The following EFCAB6 variants were observed in gnomAD, a reference collection of about 807,000 sequenced individuals.
EFCAB6 encodes the protein EF-hand calcium binding domain 6.
EFCAB6 carries 156 observed loss-of-function variants against 169.8 expected under a neutral mutation model. The ratio of observed to expected loss-of-function variants is 0.92; its 90% CI spans 0.81 to 1.05. The LOEUF (loss-of-function observed/expected upper bound fraction) is 1.05, where lower values mean the gene tolerates loss of function less well. Among genes scored for constraint, EFCAB6 ranks in the 50% least tolerant of loss-of-function variants. EFCAB6 has a pLI of 0.00. For missense variants in EFCAB6, 1,800 were observed against 1,829.1 expected (o/e 0.98, Z 0.29); for synonymous variants, 698 against 676.4 (o/e 1.03, Z -0.50).
chr22:43,559,512 G>A (rs1204536694), intron 26 of EFCAB6, among the ~76,000 whole-genome samples: 1 of 152,162 alleles, frequency 6.6e-6, no homozygotes, highest in African/African-American at 2.4e-5. Context: ...CCATTACTGG[G>A]TATATACCCA....
At chr22:43,792,452 GA>G (rs2062334928) in intron 2 of EFCAB6, among the ~76,000 whole-genome samples, 1 of 152,152 alleles carries the variant, frequency 6.6e-6, no homozygotes, top group African/African-American at 2.4e-5. Context: ...AGAGTGATGG[GA>G]ATTATCTGTG....
intron 24 of EFCAB6, among the ~76,000 whole-genome samples, chr22:43,581,383 TCC>T (rs1344872669): frequency 1.3e-5 from 2 of 151,016 alleles, no homozygotes; most frequent in Non-Finnish European, 3.0e-5. Flanking sequence ...CAAATAAAAA[TCC>T]ACCTGCATCG....
In EFCAB6 at chr22:43,773,106, A is replaced by G. The variant is rs768874528; in HGVS notation, c.140-3T>C. 3 of 1,613,774 alleles carry G rather than the reference A, an allele frequency of 1.9e-6. No individual in the cohort carries two copies. In the East Asian group the frequency reaches 6.7e-5, roughly 36 times the overall value. The stretch of plus-strand genomic sequence containing the variant: ...TGTTGGATTTGCAACAGCTGTGGCT[A>G]TAAAAGAGATACAGCTATTTATTAA... On this transcript the variant is annotated splice_region_variant and splice_polypyrimidine_tract_variant and intron_variant, in intron 3 of 31. Coordinates refer to ENST00000262726, the MANE Select transcript of EFCAB6 (RefSeq NM_022785.4).
At chr22:43,554,673 T>G (rs1203835675) in intron 27 of EFCAB6, 196 bp downstream of exon 27, 1 of 599,680 alleles carries the variant, frequency 1.7e-6, no homozygotes, top group Non-Finnish European at 2.9e-6. Context: ...TGTACCCTGA[T>G]GAAAATGGTG....
intron 8 of EFCAB6, among the ~76,000 whole-genome samples, chr22:43,722,803 T>C (rs1028715924): frequency 3.3e-5 from 5 of 152,116 alleles, no homozygotes; most frequent in Admixed American, 6.6e-5. Context: ...GGAATAAACA[T>C]AGGTGCCCAT....
chr22:43,625,219 G>T (rs764025982), intron 20 of EFCAB6, among the ~76,000 whole-genome samples: 1 of 152,012 alleles, frequency 6.6e-6, no homozygotes, highest in Non-Finnish European at 1.5e-5. Flanking sequence ...GCTTCCAGGG[G>T]CTCCACTCTC....
intron 26 of EFCAB6, among the ~76,000 whole-genome samples, chr22:43,563,109 C>A (rs141650875): frequency 6.6e-6 from 1 of 152,064 alleles, no homozygotes; most frequent in Non-Finnish European, 1.5e-5. Context: ...CAGCAGGCAG[C>A]ACCAGTAACC....
At chr22:43,598,021 G>A (rs2052154350) in intron 23 of EFCAB6, among the ~76,000 whole-genome samples, 1 of 152,108 alleles carries the variant, frequency 6.6e-6, no homozygotes, top group Admixed American at 6.6e-5. Flanking sequence ...AGTTTAAAAA[G>A]TTGATCTCAG....
At chr22:43,800,871 G>A (rs181208746) in intron 2 of EFCAB6, among the ~76,000 whole-genome samples, 5 of 152,252 alleles carry the variant, frequency 3.3e-5, no homozygotes, top group Admixed American at 2.6e-4. Context: ...TTTAAAAAAT[G>A]ATTAGTATTC....
At chr22:43,696,996 A>G (rs913249685) in intron 10 of EFCAB6, among the ~76,000 whole-genome samples, 1 of 152,252 alleles carries the variant, frequency 6.6e-6, no homozygotes, top group African/African-American at 2.4e-5. Context: ...AAGGACATAA[A>G]CAATTGTTTA....
intron 8 of EFCAB6, among the ~76,000 whole-genome samples, chr22:43,719,499 G>T (rs1380901928): frequency 6.6e-6 from 1 of 152,172 alleles, no homozygotes; most frequent in African/African-American, 2.4e-5. Flanking sequence ...AAAATTAATA[G>T]AACACATTGT....
At chr22:43,759,240 T>C (rs1231671487) in intron 5 of EFCAB6, 3 of 152,264 alleles carry the variant, frequency 2.0e-5, no homozygotes, top group African/African-American at 7.2e-5. Flanking sequence ...CTCTGATACC[T>C]AGACTGCCAA....
At chr22:43,559,701 T>C (rs1487080703) in intron 26 of EFCAB6, among the ~76,000 whole-genome samples, 1 of 152,214 alleles carries the variant, frequency 6.6e-6, no homozygotes, top group East Asian at 1.9e-4. Context: ...AATGAGTTCA[T>C]GTCCTTTGCA....
intron 23 of EFCAB6, 149 bp from the exon 24 acceptor site, chr22:43,590,378 C>T (rs28558259): frequency 1.4e-5 from 11 of 798,558 alleles, no homozygotes; most frequent in Non-Finnish European, 2.0e-5. Context: ...CAGTGTAATA[C>T]TGACATTAAA....
chr22:43,622,648 C>T (rs182648573), intron 20 of EFCAB6, among the ~76,000 whole-genome samples: 1 of 152,022 alleles, frequency 6.6e-6, no homozygotes, highest in Admixed American at 6.6e-5. Flanking sequence ...GTGGTCTTAG[C>T]GATGTTGATT....
chr22:43,781,894 T>A (rs2061834299), intron 3 of EFCAB6, among the ~76,000 whole-genome samples: 1 of 152,168 alleles, frequency 6.6e-6, no homozygotes, highest in Non-Finnish European at 1.5e-5. Flanking sequence ...TCTACTAATT[T>A]ACTGAGTGAG....
chr22:43,689,349 GCACACACACACACACA>G (rs3221390), intron 10 of EFCAB6, among the ~76,000 whole-genome samples: 1 of 146,962 alleles, frequency 6.8e-6, no homozygotes, highest in Non-Finnish European at 1.5e-5. Context: ...GAGAGCACGT[GCACACACACACACACA>G]CACACACACA....
At chr22:43,620,037 G>A (rs1317492036) in intron 20 of EFCAB6, among the ~76,000 whole-genome samples, 1 of 152,200 alleles carries the variant, frequency 6.6e-6, no homozygotes, top group African/African-American at 2.4e-5. Context: ...AGCCTGAATG[G>A]TCTGGCGCAA....
In EFCAB6 at chr22:43,540,234, C is replaced by T. The variant is rs1487565789; in HGVS notation, c.3772G>A (p.Ala1258Thr). 1.2e-6 allele frequency: 2 copies of T among 1,614,122 alleles called. No individual in the cohort carries two copies. The highest frequency in any genetic ancestry group is 1.7e-6 in the Non-Finnish European group (2 of 1,180,050). Residue 1258 changes from alanine (A) to threonine (T), a missense_variant, in exon 28 of 32, where the codon GCC (alanine) becomes ACC (threonine). By Grantham distance (58) the Ala-to-Thr change is moderately conservative. Coordinates refer to ENST00000262726, the MANE Select transcript of EFCAB6 (RefSeq NM_022785.4). ...TPMATGDSAV[A>T]QRGSSVPDVS... ...TCAGGGACACTGCTCCCTCTCTGGG[C>T]CACGGCCGAGTCACCAGTGGCCATT...
Sources: gnomAD v4.1 joint callset for allele counts (sites outside exome capture counted in the v4.1 genomes callset) on GRCh38, gnomAD v4.1.1 for gene constraint, MANE v1.5 for transcripts, NCBI Gene and HGNC (gene_info 2026-07-23, HGNC 2026-07-21) for gene names.